CDK19: variants seen among roughly 807,000 people sequenced by gnomAD.
CDK19 encodes the protein cyclin-dependent kinase 19.
CDK19 carries 20 observed loss-of-function variants against 68.3 expected under a neutral mutation model. That is an observed-to-expected ratio of 0.29 (90% CI 0.21 to 0.43). The LOEUF (loss-of-function observed/expected upper bound fraction) is 0.43. CDK19 is among the 20% of genes least tolerant of loss of function. The probability of loss-of-function intolerance (pLI) is 1.00; values close to 1 mark genes in which losing one functional copy is unlikely to be tolerated. For synonymous variants in CDK19, 221 were observed against 222.8 expected, an observed-to-expected ratio of 0.99 and a Z score of 0.07; for missense variants, 339 against 623.5, an observed-to-expected ratio of 0.54 and a Z score of 4.86.
intron 4 of CDK19, among the ~76,000 whole-genome samples, chr6:110,654,334 A>G (rs990496419): frequency 6.6e-6 from 1 of 152,162 alleles, no homozygotes; most frequent in East Asian, 1.9e-4. Flanking sequence ...TTTTTTCTTA[A>G]GCAGTTATTT....
At chr6:110,646,388 C>T in intron 4 of CDK19, 1 of 1,483,640 alleles carries the variant, frequency 6.7e-7, no homozygotes, top group African/African-American at 1.4e-5. Context: ...ACGACTTCTG[C>T]CCATGGGGCT....
At chr6:110,715,712 G>T (rs117587416) in intron 2 of CDK19, among the ~76,000 whole-genome samples, 6 of 151,954 alleles carry the variant, frequency 3.9e-5, no homozygotes, top group African/African-American at 1.5e-4. Context: ...TCTCAAACTC[G>T]TGGACCTCAC....
intron 1 of CDK19, among the ~76,000 whole-genome samples, chr6:110,811,244 C>A (rs1188146779): frequency 6.6e-6 from 1 of 152,126 alleles, no homozygotes; most frequent in South Asian, 2.1e-4. Flanking sequence ...TTGTGAAAAA[C>A]CCATCAAACA....
intron 4 of CDK19, among the ~76,000 whole-genome samples, chr6:110,659,684 C>T (rs1781500629): frequency 6.6e-6 from 1 of 151,944 alleles, no homozygotes; most frequent in African/African-American, 2.4e-5. Context: ...ATCCTCTGAA[C>T]TTAAGTGGAT....
chr6:110,637,175 T>C (rs1779834818), intron 5 of CDK19, among the ~76,000 whole-genome samples: 2 of 152,250 alleles, frequency 1.3e-5, no homozygotes, highest in African/African-American at 2.4e-5. Context: ...CATATTGCAA[T>C]GTATAGTAAA....
intron 2 of CDK19, among the ~76,000 whole-genome samples, chr6:110,719,972 G>GCTCCCCCCCCCCCCCCCCCCCCCCCC (rs1554211507): frequency 6.6e-5 from 3 of 45,516 alleles, no homozygotes; most frequent in Non-Finnish European, 8.4e-5. Context: ...CTTGTGATCC[G>GCTCCCCCCCCCCCCCCCCCCCCCCCC]CCCCCCCCCC....
chr6:110,720,366 G>A (rs977488384), intron 2 of CDK19, among the ~76,000 whole-genome samples: 32 of 151,426 alleles, frequency 2.1e-4, no homozygotes, highest in Middle Eastern at 3.5e-3. Context: ...ATAGTGGCTC[G>A]TGGAGCTTCT....
intron 2 of CDK19, among the ~76,000 whole-genome samples, chr6:110,730,588 T>TA (rs2114793164): frequency 6.6e-6 from 1 of 152,316 alleles, no homozygotes; most frequent in African/African-American, 2.4e-5. Flanking sequence ...GAAACACTAT[T>TA]AAACTCAACA....
intron 1 of CDK19, among the ~76,000 whole-genome samples, chr6:110,758,464 T>C (rs1318888682): frequency 6.6e-6 from 1 of 152,166 alleles, no homozygotes; most frequent in African/African-American, 2.4e-5. Flanking sequence ...TTGATTCATC[T>C]CCCTTACCCC....
At chr6:110,617,601 T>A (rs965074570) in intron 12 of CDK19, among the ~76,000 whole-genome samples, 4 of 150,896 alleles carry the variant, frequency 2.7e-5, no homozygotes, top group African/African-American at 9.8e-5. Flanking sequence ...CTGACCAACA[T>A]GGCGAAACCC....
At chr6:110,674,286 T>C (rs1033717775) in intron 2 of CDK19, among the ~76,000 whole-genome samples, 8 of 152,156 alleles carry the variant, frequency 5.3e-5, no homozygotes, top group Admixed American at 2.6e-4. Context: ...AACAGTAATA[T>C]TGAAATCAGG....
intron 1 of CDK19, among the ~76,000 whole-genome samples, chr6:110,781,502 T>C (rs1230279530): frequency 4.6e-5 from 7 of 152,110 alleles, no homozygotes; most frequent in African/African-American, 1.2e-4. Context: ...TATCAGACAG[T>C]TGCCTGTTCC....
chr6:110,684,441 G>GT (rs1006521413), intron 2 of CDK19, among the ~76,000 whole-genome samples: 1 of 114,142 alleles, frequency 8.8e-6, no homozygotes, highest in Admixed American at 1.2e-4. Context: ...TGGTGGGGTG[G>GT]GGGGTGGGGA....
At chr6:110,755,460 G>A (rs1778773328) in intron 1 of CDK19, among the ~76,000 whole-genome samples, 2 of 152,184 alleles carry the variant, frequency 1.3e-5, no homozygotes, top group Non-Finnish European at 2.9e-5. Context: ...GGTTGTGGTG[G>A]AGGGGATAGA....
rs555928884 is a variant in CDK19, at chr6:110,744,855, C to A, written c.204+1271G>T. Among the ~76,000 whole-genome samples the A allele has an allele frequency of 3.9e-5, 6 of 152,318 alleles. No individual in the cohort carries two copies. The East Asian group carries it at 1.2e-3, about 29-fold the overall frequency. On this transcript the variant is annotated intron_variant, in intron 2 of 12. Coordinates refer to ENST00000368911, the MANE Select transcript of CDK19 (RefSeq NM_015076.5). ...GACATCCAGGTCTAGAGATTTCCCA[C>A]CCCATGTGTTCTTTGCACCACACTT...
rs1056270713 is a variant in CDK19, at chr6:110,790,998, C to T, written c.128+24011G>A. 4.0e-5 allele frequency among the ~76,000 whole-genome samples: 6 copies of T among 151,886 alleles called. 1 individual carries two copies. The highest frequency in any genetic ancestry group is 1.5e-4 in the African/African-American group (6 of 41,352). On this transcript the variant is annotated intron_variant, in intron 1 of 12. Coordinates refer to ENST00000368911, the MANE Select transcript of CDK19 (RefSeq NM_015076.5). ...CAACCTGGCTAACATGGTGTAACCC[C>T]GTCTCTACTAAAAATACAAAAAATT... is the stretch of plus-strand genomic sequence containing the variant.
chr6:110,720,311 C>T (rs1288602192), intron 2 of CDK19, among the ~76,000 whole-genome samples: 4 of 152,148 alleles, frequency 2.6e-5, no homozygotes, highest in Admixed American at 6.5e-5. Flanking sequence ...ACTTCTTTCA[C>T]GATCTTTGGC....
At chr6:110,723,141 AAAC>A (rs1375586626) in intron 2 of CDK19, among the ~76,000 whole-genome samples, 12 of 100,280 alleles carry the variant, frequency 1.2e-4, no homozygotes, top group Non-Finnish European at 2.3e-4. Context: ...TTGTCAAAAA[AAAC>A]AAAAAACAAA....
At chr6:110,738,788 A>G (rs1374434136) in intron 2 of CDK19, among the ~76,000 whole-genome samples, 1 of 152,190 alleles carries the variant, frequency 6.6e-6, no homozygotes, top group African/African-American at 2.4e-5. Context: ...CTTTATGCCA[A>G]GAGGAAAGTT....
Sources: gnomAD v4.1 joint callset for allele counts (sites outside exome capture counted in the v4.1 genomes callset) on GRCh38, gnomAD v4.1.1 for gene constraint, MANE v1.5 for transcripts, NCBI Gene and HGNC (gene_info 2026-07-23, HGNC 2026-07-21) for gene names.